The following ATP13A3 variants were observed in gnomAD, a reference collection of about 807,000 sequenced individuals.
ATP13A3 encodes the protein polyamine-transporting ATPase 13A3.
A neutral mutation model predicts 158.1 loss-of-function variants in ATP13A3; 59 were observed. The observed-to-expected ratio is 0.37, with a 90% confidence interval of 0.30 to 0.46. The LOEUF (loss-of-function observed/expected upper bound fraction) is 0.46, where lower values mean the gene tolerates loss of function less well. Among genes scored for constraint, ATP13A3 ranks in the 20% least tolerant of loss-of-function variants. ATP13A3 has a pLI of 1.00. For synonymous variants in ATP13A3, 491 were observed against 504.3 expected, an observed-to-expected ratio of 0.97 and a Z score of 0.35; for missense variants, 1,166 against 1,525.2, an observed-to-expected ratio of 0.76 and a Z score of 3.92.
At chr3:194,465,623 T>C (rs904012718) in intron 2 of ATP13A3, among the ~76,000 whole-genome samples, 1 of 152,180 alleles carries the variant, frequency 6.6e-6, no homozygotes, top group African/African-American at 2.4e-5. Context: ...ACTGCTCTGG[T>C]ACTGCCTAAC....
intron 2 of ATP13A3, among the ~76,000 whole-genome samples, chr3:194,484,080 T>C (rs1392266024): frequency 6.6e-6 from 1 of 152,154 alleles, no homozygotes; most frequent in Non-Finnish European, 1.5e-5. Context: ...CATATCTGAT[T>C]TATCACCAGA....
At chr3:194,475,811 G>C (rs1428239146) in intron 2 of ATP13A3, among the ~76,000 whole-genome samples, 2 of 152,090 alleles carry the variant, frequency 1.3e-5, no homozygotes, top group Non-Finnish European at 2.9e-5. Context: ...GGAATATTTA[G>C]TTTACACAAC....
At position 194,427,268 on chromosome 3, in the gene ATP13A3, A is replaced by G; in HGVS notation, c.2948-16T>C. On this transcript the variant is annotated splice_polypyrimidine_tract_variant and intron_variant, in intron 28 of 33. Coordinates refer to ENST00000645319, the MANE Select transcript of ATP13A3 (RefSeq NM_001367549.1). ...TTTAAACTCACTATATTGAAAAGAA[A>G]AAGAGGAAAGGTTTGTATTTACATT... is the stretch of plus-strand genomic sequence containing the variant. The G allele has an allele frequency of 6.3e-7, 1 of 1,577,268 alleles. No homozygotes were observed. The highest frequency in any genetic ancestry group is 8.6e-7 in the Non-Finnish European group (1 of 1,166,706).
intron 2 of ATP13A3, among the ~76,000 whole-genome samples, chr3:194,473,332 C>T (rs963392052): frequency 5.9e-5 from 9 of 152,116 alleles, no homozygotes; most frequent in African/African-American, 1.9e-4. Context: ...ACTCCCTGTA[C>T]ATTCTAGTCT....
intron 13 of ATP13A3, among the ~76,000 whole-genome samples, chr3:194,447,440 T>C (rs1290038615): frequency 3.3e-5 from 5 of 152,160 alleles, no homozygotes; most frequent in African/African-American, 4.8e-5. Flanking sequence ...GCACACACCT[T>C]ACTGTACCAC....
intron 16 of ATP13A3, among the ~76,000 whole-genome samples, chr3:194,439,698 C>A (rs918154508): frequency 6.6e-6 from 1 of 152,154 alleles, no homozygotes; most frequent in Non-Finnish European, 1.5e-5. Flanking sequence ...TATCATATGA[C>A]ACCAATCACA....
chr3:194,453,276 A>T lies in ATP13A3; in HGVS notation c.838+430T>A, dbSNP rs1364607187. Among the ~76,000 whole-genome samples, 6 of 131,814 alleles carry T rather than the reference A, an allele frequency of 4.6e-5. No homozygotes were observed. The Admixed American group carries it at 4.8e-4, about 11-fold the overall frequency. The allele number at this position is 131,814 out of a possible 152,430, so 86.5% of individuals were successfully genotyped here. A position where few individuals can be genotyped will look rare whatever the true frequency, so the allele number is the denominator to read the frequency against. On this transcript the variant is annotated intron_variant, in intron 10 of 33. Transcript: ENST00000645319. Reference sequence around the variant, plus strand: ...CCTGTGCAACAGTGAGACCACATCGACTTTAAAAAAAAAAAAAAAAAAAAA... The same window carrying T: ...CCTGTGCAACAGTGAGACCACATCGTCTTTAAAAAAAAAAAAAAAAAAAAA...
intron 16 of ATP13A3, among the ~76,000 whole-genome samples, chr3:194,439,996 T>C (rs531324707): frequency 2.6e-5 from 4 of 152,306 alleles, no homozygotes; most frequent in Admixed American, 6.5e-5. Flanking sequence ...CCATGGACTT[T>C]CAGTAGTTGG....
At chr3:194,436,714 G>A (rs78098509) in intron 20 of ATP13A3, among the ~76,000 whole-genome samples, 3,167 of 152,294 alleles carry the variant, frequency 0.021, 78 homozygotes, top group East Asian at 0.069. Context: ...CAGGTATGGC[G>A]GCACCCGCCT....
intron 3 of ATP13A3, 112 bp downstream of exon 3, chr3:194,462,028 T>G: frequency 3.6e-4 from 336 of 944,582 alleles, no homozygotes; most frequent in Non-Finnish European, 4.7e-4. Context: ...AGAAGCCCAT[T>G]GAGTTAGCTG....
chr3:194,465,055 T>C (rs572702438), intron 2 of ATP13A3, among the ~76,000 whole-genome samples: 17 of 152,196 alleles, frequency 1.1e-4, no homozygotes, highest in Non-Finnish European at 2.4e-4. Flanking sequence ...GGGATCATAT[T>C]TGCCCTTCTG....
rs1209485318 is a variant in ATP13A3, at chr3:194,433,847, T to C, written c.2170A>G (p.Asn724Asp). 6.2e-7 allele frequency: 1 copy of C among 1,614,058 alleles called. No homozygotes were observed. Among genetic ancestry groups the C allele is most frequent in the African/African-American group, 1.3e-5 (1 of 75,062 alleles). The part of the protein sequence containing the change: ...MDFMGLIIMQ[N>D]KLKQETPAVL... ...GCAGGGGTTTCTTGCTTTAATTTGT[T>C]CTGCATTATAATTAATCCCATAAAA... is the stretch of plus-strand genomic sequence containing the variant. The change falls in exon 21 of 34, where the codon AAC becomes GAC. Residue 724 changes from asparagine (N) to aspartate (D), a missense_variant. Asn to Asp is a conservative substitution (Grantham distance 23, BLOSUM62 1). This residue lies in a region of ATP13A3 where 997 missense variants were observed against 1,341.2 expected (regional missense o/e 0.74). Coordinates refer to ENST00000645319, the MANE Select transcript of ATP13A3 (RefSeq NM_001367549.1).
At position 194,447,047 on chromosome 3, in the gene ATP13A3, AG is replaced by A; in HGVS notation, c.1376del (p.Pro459LeufsTer4). The A allele has an allele frequency of 6.2e-7, 1 of 1,613,566 alleles. No individual in the cohort carries two copies. Among genetic ancestry groups the A allele is most frequent in the Non-Finnish European group, 8.5e-7 (1 of 1,179,800 alleles). ...ACACAATACCAGCAGTCATTGCAGC[AG>A]GAAGTGCAGGGGGCACAGTAATTGT... ...IITITVPPAL[P>X]AAMTAGIVYA... is the part of the protein sequence containing the mutation. On this transcript the variant is annotated frameshift_variant, in exon 14 of 34. Coordinates refer to ENST00000645319, the MANE Select transcript of ATP13A3 (RefSeq NM_001367549.1). LOFTEE classifies it high-confidence loss of function.
At chr3:194,489,252 C>G (rs1721118563), upstream of ATP13A3, among the ~76,000 whole-genome samples, 1 of 151,504 alleles carries the variant, frequency 6.6e-6, no homozygotes. The surrounding 1 kb of genome is among the most constrained non-coding windows in gnomAD (Gnocchi z 4.1). Context: ...CAAGACCAGC[C>G]TGACAACATG....
At chr3:194,424,794 A>T (rs1483922420) in intron 30 of ATP13A3, among the ~76,000 whole-genome samples, 3 of 152,198 alleles carry the variant, frequency 2.0e-5, no homozygotes. Flanking sequence ...CATTCAGTAT[A>T]CTGGCCCTTT....
At chr3:194,423,742 G>A (rs1024815511) in intron 30 of ATP13A3, among the ~76,000 whole-genome samples, 37 of 152,220 alleles carry the variant, frequency 2.4e-4, no homozygotes, top group African/African-American at 7.9e-4. Flanking sequence ...GAAATTAAAC[G>A]AGAAAACAAA....
intron 16 of ATP13A3, among the ~76,000 whole-genome samples, chr3:194,439,719 G>A (rs747405405): frequency 2.6e-5 from 4 of 152,148 alleles, no homozygotes; most frequent in East Asian, 3.9e-4. Context: ...TCAAGTCACA[G>A]TTGTGACTGG....
upstream of ATP13A3, among the ~76,000 whole-genome samples, chr3:194,491,598 C>G (rs1275755428): frequency 4.3e-5 from 4 of 92,966 alleles, no homozygotes; most frequent in African/African-American, 1.9e-4. Flanking sequence ...CCTGGCATGT[C>G]CCCTCCATCT....
At chr3:194,436,315 G>T (rs1418762769) in intron 20 of ATP13A3, among the ~76,000 whole-genome samples, 5 of 152,178 alleles carry the variant, frequency 3.3e-5, no homozygotes. Flanking sequence ...CCTTGAATAT[G>T]ACACTGTCAT....
Sources: gnomAD v4.1 joint callset for allele counts (sites outside exome capture counted in the v4.1 genomes callset) on GRCh38, gnomAD v4.1.1 for gene constraint, gnomAD v4.1.1 regional missense constraint, Gnocchi (gnomAD v3.1) non-coding constraint, MANE v1.5 for transcripts, NCBI Gene and HGNC (gene_info 2026-07-23, HGNC 2026-07-21) for gene names.